The following ITGA1 variants were observed in gnomAD, a reference collection of about 807,000 sequenced individuals.
The protein encoded by ITGA1 is integrin subunit alpha 1, also known as integrin alpha-1.
Under a neutral mutation model 145.9 loss-of-function variants are expected in ITGA1, and 85 were observed. That is an observed-to-expected ratio of 0.58 (90% CI 0.49 to 0.70). ITGA1 has a LOEUF of 0.70. Among genes scored for constraint, ITGA1 ranks in the 30% least tolerant of loss-of-function variants. The pLI, the probability that ITGA1 is intolerant of heterozygous loss-of-function variation, is 0.00. For synonymous variants in ITGA1, 520 were observed against 495.3 expected, an observed-to-expected ratio of 1.05 and a Z score of -0.66; for missense variants, 1,351 against 1,418.7, an observed-to-expected ratio of 0.95 and a Z score of 0.77.
intron 3 of ITGA1, among the ~76,000 whole-genome samples, chr5:52,862,972 C>A (rs79569142): frequency 6.6e-6 from 1 of 152,178 alleles, no homozygotes; most frequent in African/African-American, 2.4e-5. Context: ...ATTCCAACAT[C>A]TGGAATATCT....
chr5:52,919,793 G>T (rs1345230493), intron 16 of ITGA1, among the ~76,000 whole-genome samples: 1 of 152,068 alleles, frequency 6.6e-6, no homozygotes, highest in African/African-American at 2.4e-5. Flanking sequence ...TACAGTGTAA[G>T]ATTTCATTTA....
chr5:52,907,272 G>C (rs1034449628), intron 12 of ITGA1, among the ~76,000 whole-genome samples: 1 of 152,122 alleles, frequency 6.6e-6, no homozygotes, highest in Non-Finnish European at 1.5e-5. Flanking sequence ...TTAGAAAAAG[G>C]CTATTGTTGT....
Position 52,867,757 on chromosome 5 carries a change from G to A in ITGA1, c.624+1940G>A, listed in dbSNP as rs150073380. On this transcript the variant is annotated intron_variant, in intron 6 of 28. Coordinates refer to ENST00000282588, the MANE Select transcript of ITGA1 (RefSeq NM_181501.2). ...CAACCTCAATTTATGAAGGAGACAC[G>A]AGAGGCTAACTGATTTGTTTAAGGT... Among the ~76,000 whole-genome samples, 6 of 152,114 alleles carry A rather than the reference G, an allele frequency of 3.9e-5. No individual in the cohort carries two copies. The East Asian group carries it at 9.7e-4, about 25-fold the overall frequency.
intron 1 of ITGA1, among the ~76,000 whole-genome samples, chr5:52,834,645 GAAAGAA>G (rs1749134286): frequency 6.8e-6 from 1 of 148,100 alleles, no homozygotes; most frequent in Non-Finnish European, 1.5e-5. Context: ...AAGACAGAAA[GAAAGAA>G]AAAGAAAGAG....
intron 8 of ITGA1, 87 bp downstream of exon 8, chr5:52,888,052 A>G: frequency 7.3e-7 from 1 of 1,368,416 alleles, no homozygotes; most frequent in South Asian, 1.4e-5. Flanking sequence ...AAGTCACACA[A>G]ACCAGGTTGG....
Position 52,952,706 on chromosome 5 carries a change from TA to T in ITGA1, c.*262del, listed in dbSNP as rs1010114403. The T allele has an allele frequency of 1.3e-4, 25 of 197,566 alleles. No individual in the cohort carries two copies. The highest frequency in any genetic ancestry group is 5.5e-4 in the African/African-American group (24 of 43,322). The allele number at this position is 197,566 out of a possible 1,614,324, so 12.2% of individuals were successfully genotyped here. ...AGTAAGCAAAATTACAAAGTGTTTT[TA>T]AAAAAACCTGTACAAATATGTTTAT... On this transcript the variant is annotated 3_prime_UTR_variant, in exon 29 of 29. Transcript: ENST00000282588.
intron 18 of ITGA1, among the ~76,000 whole-genome samples, chr5:52,924,025 G>T (rs1750767541): frequency 6.6e-6 from 1 of 152,200 alleles, no homozygotes; most frequent in South Asian, 2.1e-4. Context: ...CAAAGTTAGA[G>T]TCCATGTGCC....
At chr5:52,952,260 AG>A (rs1388940811) in intron 28 of ITGA1, 146 bp from the exon 29 acceptor site, 12 of 436,996 alleles carry the variant, frequency 2.7e-5, no homozygotes, top group Non-Finnish European at 5.1e-5. Flanking sequence ...GAATATTAAT[AG>A]GTCAATGAGA....
At chr5:52,923,478 G>C (rs1274494066) in intron 18 of ITGA1, among the ~76,000 whole-genome samples, 1 of 151,210 alleles carries the variant, frequency 6.6e-6, no homozygotes, top group East Asian at 1.9e-4. Context: ...GCTATCTACT[G>C]TTTAACAAAA....
chr5:52,827,932 A>G (rs1218474176), intron 1 of ITGA1, among the ~76,000 whole-genome samples: 1 of 152,204 alleles, frequency 6.6e-6, no homozygotes, highest in Admixed American at 6.5e-5. Flanking sequence ...GCTTTATTGC[A>G]GTGGTCTGGA....
intron 28 of ITGA1, among the ~76,000 whole-genome samples, chr5:52,951,728 G>A (rs984941263): frequency 6.6e-6 from 1 of 151,968 alleles, no homozygotes; most frequent in Non-Finnish European, 1.5e-5. Flanking sequence ...ATCATTTGAT[G>A]GAAATTTCTC....
chr5:52,884,970 C>A (rs189368317), intron 7 of ITGA1, among the ~76,000 whole-genome samples: 1 of 152,156 alleles, frequency 6.6e-6, no homozygotes, highest in Non-Finnish European at 1.5e-5. Flanking sequence ...ATTTGTCCAA[C>A]GTGGCTACAA....
In ITGA1 at chr5:52,923,017, A is replaced by G. The variant is rs1394657551; in HGVS notation, c.2403+130A>G. On this transcript the variant is annotated intron_variant, in intron 18 of 28. Coordinates refer to ENST00000282588, the MANE Select transcript of ITGA1 (RefSeq NM_181501.2). ...CAACTAACTGGAAGAAAGAAAAAAA[A>G]GGCAAGCAGATTTTATTCCTGGTCA... The G allele has an allele frequency of 9.9e-6, 6 of 604,080 alleles. 1 individual carries two copies. The Middle Eastern group carries it at 1.7e-3, about 171-fold the overall frequency. 37.4% of individuals were successfully genotyped at this position (604,080 alleles called of 1,614,324 possible). A position where few individuals can be genotyped will look rare whatever the true frequency, so the allele number is the denominator to read the frequency against.
chr5:52,833,789 C>T (rs902202638), intron 1 of ITGA1, among the ~76,000 whole-genome samples: 1 of 151,962 alleles, frequency 6.6e-6, no homozygotes, highest in African/African-American at 2.4e-5. Flanking sequence ...ACTCCATAAA[C>T]TATGATGTGG....
chr5:52,805,133 A>AAAAGG (rs1358354236), intron 1 of ITGA1, among the ~76,000 whole-genome samples: 33 of 152,290 alleles, frequency 2.2e-4, no homozygotes, highest in African/African-American at 7.2e-4. Context: ...AGCAAGGACC[A>AAAAGG]GTAAGTTTAC....
At chr5:52,819,332 C>T (rs866783642) in intron 1 of ITGA1, among the ~76,000 whole-genome samples, 18 of 152,210 alleles carry the variant, frequency 1.2e-4, no homozygotes, top group Admixed American at 2.6e-4. Flanking sequence ...TTTTAATGAT[C>T]GCCATTCTAA....
intron 26 of ITGA1, among the ~76,000 whole-genome samples, chr5:52,944,452 C>T (rs1012968904): frequency 6.6e-5 from 10 of 152,124 alleles, no homozygotes; most frequent in South Asian, 6.2e-4. Context: ...CACACACTTG[C>T]GGTGTTTTCT....
chr5:52,932,282 A>T (rs1750903815), intron 22 of ITGA1, 146 bp downstream of exon 22: 2 of 583,602 alleles, frequency 3.4e-6, no homozygotes, highest in Non-Finnish European at 6.1e-6. Context: ...CTACCAAATC[A>T]GAAACTCGGA....
chr5:52,885,487 CA>C (rs1278522751), intron 7 of ITGA1, among the ~76,000 whole-genome samples: 1 of 152,152 alleles, frequency 6.6e-6, no homozygotes. Flanking sequence ...CACCTCTCAC[CA>C]GTATTGCTCA....
Sources: gnomAD v4.1 joint callset for allele counts (sites outside exome capture counted in the v4.1 genomes callset) on GRCh38, gnomAD v4.1.1 for gene constraint, MANE v1.5 for transcripts, NCBI Gene and HGNC (gene_info 2026-07-23, HGNC 2026-07-21) for gene names.